The following RIN2 variants were observed in gnomAD, a reference collection of about 807,000 sequenced individuals.
RIN2 encodes RAB5 interacting protein 2.
RIN2 carries 36 observed loss-of-function variants against 78.0 expected under a neutral mutation model. The ratio of observed to expected loss-of-function variants is 0.46; its 90% CI spans 0.35 to 0.61. The LOEUF (loss-of-function observed/expected upper bound fraction) is 0.61, where lower values mean the gene tolerates loss of function less well. RIN2 is among the 20% of genes least tolerant of loss of function. RIN2 has a pLI of 0.00. For missense variants in RIN2, 1,087 were observed against 1,159.7 expected, an observed-to-expected ratio of 0.94 and a Z score of 0.91; for synonymous variants, 466 against 466.8, an observed-to-expected ratio of 1.00 and a Z score of 0.02.
Position 19,970,971 on chromosome 20 carries a change from C to T in RIN2, c.628+42C>T, listed in dbSNP as rs768452159. On this transcript the variant is annotated intron_variant, in intron 8 of 12. Transcript: ENST00000255006. ...TGCCTGAGTCTATCTAAAAATGAATCCATGGAGCAGAGTCAATGGTGGGCT... is the reference window on the plus strand; with the variant it reads ...TGCCTGAGTCTATCTAAAAATGAATTCATGGAGCAGAGTCAATGGTGGGCT... The T allele has an allele frequency of 4.8e-6, 7 of 1,471,214 alleles. No individual in the cohort carries two copies. In the South Asian group the frequency reaches 5.9e-5, roughly 12 times the overall value. The allele number at this position is 1,471,214 out of a possible 1,614,324, so 91.1% of individuals were successfully genotyped here.
chr20:19,777,129 A>G (rs1028763594), intron 1 of RIN2, among the ~76,000 whole-genome samples: 1 of 152,202 alleles, frequency 6.6e-6, no homozygotes, highest in Non-Finnish European at 1.5e-5. Flanking sequence ...TTCTCCCTCC[A>G]TCCTTCATGG....
At chr20:19,943,935 T>G (rs923793021) in intron 4 of RIN2, among the ~76,000 whole-genome samples, 1 of 149,690 alleles carries the variant, frequency 6.7e-6, no homozygotes, top group African/African-American at 2.4e-5. Flanking sequence ...TCCAGACTAA[T>G]AGAATATTAC....
intron 2 of RIN2, among the ~76,000 whole-genome samples, chr20:19,852,147 C>A (rs2037003254): frequency 6.6e-6 from 1 of 152,170 alleles, no homozygotes; most frequent in Non-Finnish European, 1.5e-5. Context: ...GCAGGTCATG[C>A]CGTGAAACCC....
intron 2 of RIN2, chr20:19,886,612 C>CTTTTTT (rs11362637): frequency 4.9e-4 from 254 of 520,824 alleles, no homozygotes; most frequent in South Asian, 1.2e-3. Context: ...TCTTCTTCTT[C>CTTTTTT]TTTTTTTTTT....
At chr20:19,950,569 A>ACTTT (rs1215703390) in intron 4 of RIN2, among the ~76,000 whole-genome samples, 2 of 151,618 alleles carry the variant, frequency 1.3e-5, no homozygotes, top group Non-Finnish European at 2.9e-5. Context: ...ATCATTTGAC[A>ACTTT]CTTTCTTTCT....
chr20:19,904,237 A>AAAATATATATATATATATATAT (rs2039115607), intron 3 of RIN2, among the ~76,000 whole-genome samples: 3 of 95,072 alleles, frequency 3.2e-5, no homozygotes, highest in Non-Finnish European at 7.6e-5. Flanking sequence ...GTCTCAAAAA[A>AAAATATATATATATATATATAT]AAAATATATA....
At chr20:19,759,147 A>G (rs2033521135) in intron 1 of RIN2, among the ~76,000 whole-genome samples, 1 of 152,216 alleles carries the variant, frequency 6.6e-6, no homozygotes, top group Non-Finnish European at 1.5e-5. Flanking sequence ...CAGGATTTGC[A>G]GAAGTTCAGC....
At chr20:19,920,743 A>G (rs2039882271) in intron 3 of RIN2, among the ~76,000 whole-genome samples, 1 of 152,148 alleles carries the variant, frequency 6.6e-6, no homozygotes, top group South Asian at 2.1e-4. Flanking sequence ...TGGCGTGATC[A>G]TGGCTCACTG....
intron 2 of RIN2, among the ~76,000 whole-genome samples, chr20:19,888,306 T>G (rs1471864837): frequency 6.6e-6 from 1 of 152,162 alleles, no homozygotes; most frequent in Non-Finnish European, 1.5e-5. Flanking sequence ...AGCAGGGGTG[T>G]AAATCGTGGG....
rs1468560764 is a variant in RIN2, at chr20:20,000,756, C to T, written c.2508C>T (p.Leu836=). The T allele has an allele frequency of 6.2e-7, 1 of 1,613,968 alleles. No homozygotes were observed. Among genetic ancestry groups the T allele is most frequent in the South Asian group, 1.1e-5 (1 of 91,072 alleles). The change falls in exon 13 of 13, where the codon CTC becomes CTT. Residue 836 remains leucine (L), a synonymous_variant. Transcript: ENST00000255006. Reference sequence around the variant, plus strand: ...TGGGGGACCCTGAGGAGTACAGCCTCTTTCTCTTCGTTGACGAGACATGGC... The same window carrying T: ...TGGGGGACCCTGAGGAGTACAGCCTTTTTCTCTTCGTTGACGAGACATGGC... ...FKVGDPEEYS[L]FLFVDETWQQ... is the part of the protein sequence containing the mutation.
chr20:19,886,606 CTTCTTCTT>C lies in RIN2; in HGVS notation c.-36-2957_-36-2950del, dbSNP rs2038201900. On this transcript the variant is annotated intron_variant, in intron 2 of 12. Coordinates refer to ENST00000255006, the MANE Select transcript of RIN2 (RefSeq NM_018993.4). ...CTATGAGGGCTGCCTTCTTCTTCTT[CTTCTTCTT>C]TTTTTTTTTTTTTTTTTGCTAGCTT... is the stretch of plus-strand genomic sequence containing the variant. 4.8e-6 allele frequency: 4 copies of C among 829,400 alleles called. No homozygotes were observed. In the African/African-American group the frequency reaches 6.4e-5, roughly 13 times the overall value. 51.4% of individuals were successfully genotyped at this position (829,400 alleles called of 1,614,324 possible).
intron 4 of RIN2, among the ~76,000 whole-genome samples, chr20:19,935,908 T>C (rs2146124164): frequency 6.6e-6 from 1 of 152,326 alleles, no homozygotes; most frequent in African/African-American, 2.4e-5. Context: ...ACTTCGTGCC[T>C]TAGAGGCCAG....
At chr20:19,976,628 C>G (rs1013731385) in intron 9 of RIN2, among the ~76,000 whole-genome samples, 2 of 151,830 alleles carry the variant, frequency 1.3e-5, no homozygotes, top group Non-Finnish European at 2.9e-5. Flanking sequence ...GTTGAAGGTT[C>G]TTTGTTTGTT....
chr20:19,815,136 T>A (rs2035723862), intron 2 of RIN2, among the ~76,000 whole-genome samples: 1 of 152,204 alleles, frequency 6.6e-6, no homozygotes, highest in African/African-American at 2.4e-5. Flanking sequence ...ACTCTGAGGT[T>A]TGCATTTTGT....
chr20:19,875,558 C>A (rs2037830236), intron 2 of RIN2, among the ~76,000 whole-genome samples: 1 of 152,110 alleles, frequency 6.6e-6, no homozygotes, highest in South Asian at 2.1e-4. Context: ...TGGCTTGAGT[C>A]CAAGAGTTTG....
chr20:19,764,916 G>GTGTTTTTTTTTT (rs1568731017), intron 1 of RIN2, among the ~76,000 whole-genome samples: 2 of 35,346 alleles, frequency 5.7e-5, no homozygotes, highest in Admixed American at 4.4e-4. Context: ...TTCACTTTCT[G>GTGTTTTTTTTTT]CGTTTTTTTT....
At chr20:19,779,257 T>C (rs1223464991) in intron 1 of RIN2, among the ~76,000 whole-genome samples, 1 of 152,122 alleles carries the variant, frequency 6.6e-6, no homozygotes, top group African/African-American at 2.4e-5. Context: ...AAATGCTGTG[T>C]CCTGTGTGTC....
intron 11 of RIN2, among the ~76,000 whole-genome samples, chr20:19,993,903 G>A (rs2042875110): frequency 6.6e-6 from 1 of 152,172 alleles, no homozygotes; most frequent in Non-Finnish European, 1.5e-5. Flanking sequence ...GAGCTCTTAG[G>A]GCTTTGGGGA....
At chr20:19,928,765 C>G (rs1280421734) in intron 3 of RIN2, among the ~76,000 whole-genome samples, 2 of 152,140 alleles carry the variant, frequency 1.3e-5, no homozygotes, top group African/African-American at 2.4e-5. Flanking sequence ...CAACCCCTGA[C>G]CTGCCTTCCT....
Sources: gnomAD v4.1 joint callset for allele counts (sites outside exome capture counted in the v4.1 genomes callset) on GRCh38, gnomAD v4.1.1 for gene constraint, MANE v1.5 for transcripts, NCBI Gene and HGNC (gene_info 2026-07-23, HGNC 2026-07-21) for gene names.